SDCCAG8: variants seen among roughly 807,000 people sequenced by gnomAD.
SDCCAG8 encodes SHH signaling and ciliogenesis regulator SDCCAG8.
SDCCAG8 carries 74 observed loss-of-function variants against 101.8 expected under a neutral mutation model. The observed-to-expected ratio is 0.73, with a 90% CI of 0.60 to 0.88. The LOEUF is 0.88. Among genes scored for constraint, SDCCAG8 ranks in the 40% least tolerant of loss-of-function variants. SDCCAG8 has a pLI of 0.00. For synonymous variants in SDCCAG8, 281 were observed against 292.9 expected (o/e 0.96, Z 0.41); for missense variants, 787 against 822.6 (o/e 0.96, Z 0.53).
intron 13 of SDCCAG8, among the ~76,000 whole-genome samples, chr1:243,407,150 A>G (rs1268743353): frequency 6.6e-6 from 1 of 152,216 alleles, no homozygotes; most frequent in Non-Finnish European, 1.5e-5. Context: ...CTTGGCACAA[A>G]GTAGTTGCTT....
At chr1:243,313,140 C>G (rs1434966353) in intron 8 of SDCCAG8, among the ~76,000 whole-genome samples, 2 of 152,180 alleles carry the variant, frequency 1.3e-5, no homozygotes, top group Non-Finnish European at 2.9e-5. Flanking sequence ...GATCATTGGC[C>G]TGCTCTGCAT....
intron 13 of SDCCAG8, among the ~76,000 whole-genome samples, chr1:243,404,759 A>G (rs1416439094): frequency 1.3e-5 from 2 of 152,180 alleles, no homozygotes; most frequent in East Asian, 1.9e-4. Flanking sequence ...TTCTGTATAC[A>G]TGCACATTGG....
At chr1:243,410,015 C>CT (rs2080061277) in intron 13 of SDCCAG8, among the ~76,000 whole-genome samples, 1 of 152,158 alleles carries the variant, frequency 6.6e-6, no homozygotes, top group African/African-American at 2.4e-5. Flanking sequence ...AAAGTAATTA[C>CT]TTTTGTGCCA....
intron 9 of SDCCAG8, among the ~76,000 whole-genome samples, chr1:243,326,632 A>G (rs1330252339): frequency 1.3e-5 from 2 of 152,218 alleles, no homozygotes; most frequent in Non-Finnish European, 2.9e-5. Context: ...GATGTTTGAA[A>G]TGTGTTAATC....
At chr1:243,387,136 C>T (rs1327012495) in intron 13 of SDCCAG8, among the ~76,000 whole-genome samples, 1 of 152,216 alleles carries the variant, frequency 6.6e-6, no homozygotes, top group South Asian at 2.1e-4. Flanking sequence ...CATTTATACA[C>T]ACGTGGTTGG....
At chr1:243,444,490 G>A (rs1014956591) in intron 16 of SDCCAG8, among the ~76,000 whole-genome samples, 7 of 151,742 alleles carry the variant, frequency 4.6e-5, no homozygotes, top group Non-Finnish European at 1.0e-4. Context: ...TTCTACCTCA[G>A]CCCCCTGAGT....
At chr1:243,360,096 G>A (rs967416601) in intron 12 of SDCCAG8, among the ~76,000 whole-genome samples, 16 of 149,684 alleles carry the variant, frequency 1.1e-4, no homozygotes, top group South Asian at 4.2e-4. Flanking sequence ...CACTGCTACC[G>A]TCTAGTTCAA....
chr1:243,284,926 A>C (rs1462161932), intron 4 of SDCCAG8, among the ~76,000 whole-genome samples: 2 of 151,458 alleles, frequency 1.3e-5, no homozygotes, highest in Non-Finnish European at 2.9e-5. Flanking sequence ...TCTGTCACCC[A>C]GGCTGGAGTG....
intron 14 of SDCCAG8, 135 bp downstream of exon 14, chr1:243,415,964 C>G: frequency 1.0e-6 from 1 of 994,552 alleles, no homozygotes; most frequent in Non-Finnish European, 1.5e-6. Flanking sequence ...ACCGGAGATT[C>G]CGAATTACAT....
chr1:243,482,654 A>G (rs540059966), intron 16 of SDCCAG8, among the ~76,000 whole-genome samples: 31 of 152,128 alleles, frequency 2.0e-4, no homozygotes, highest in Non-Finnish European at 3.5e-4. Flanking sequence ...GTCCTTCCTC[A>G]TGGACCCGCG....
At chr1:243,310,598 T>G (rs1394988354) in intron 8 of SDCCAG8, among the ~76,000 whole-genome samples, 1 of 152,138 alleles carries the variant, frequency 6.6e-6, no homozygotes, top group African/African-American at 2.4e-5. Flanking sequence ...GTCCTAAGGA[T>G]GACGTGAAAA....
chr1:243,288,730 C>T (rs1422137866), intron 5 of SDCCAG8, among the ~76,000 whole-genome samples: 1 of 152,000 alleles, frequency 6.6e-6, no homozygotes, highest in Admixed American at 6.6e-5. Flanking sequence ...TTGAGGTGGC[C>T]AGGCGCAGTG....
chr1:243,306,834 T>G (rs1462942048), intron 7 of SDCCAG8, among the ~76,000 whole-genome samples: 1 of 152,034 alleles, frequency 6.6e-6, no homozygotes, highest in Non-Finnish European at 1.5e-5. Context: ...ACCCTTAGAT[T>G]GCCTGTGGGT....
chr1:243,311,383 G>A (rs1042786507), intron 8 of SDCCAG8, among the ~76,000 whole-genome samples: 15 of 151,680 alleles, frequency 9.9e-5, no homozygotes, highest in African/African-American at 3.6e-4. Flanking sequence ...TTTCCCCTTC[G>A]AGGTTCATAG....
rs575694913 is a variant in SDCCAG8 at position 243,411,523 on chromosome 1, A to T, written c.1617-4179A>T. Among the ~76,000 whole-genome samples, 15 of 152,298 alleles carry T rather than the reference A, an allele frequency of 9.8e-5. No individual in the cohort carries two copies. The East Asian group carries it at 2.9e-3, about 29-fold the overall frequency. On this transcript the variant is annotated intron_variant, in intron 13 of 17. Coordinates refer to ENST00000366541, the MANE Select transcript of SDCCAG8 (RefSeq NM_006642.5). ...GACAAATATATAGAATTGTGGAAAG[A>T]TCATAGTCATAACATAGAAGAACAT... is the stretch of plus-strand genomic sequence containing the variant.
chr1:243,349,701 G>A (rs2075973767), intron 12 of SDCCAG8, among the ~76,000 whole-genome samples: 1 of 152,116 alleles, frequency 6.6e-6, no homozygotes, highest in African/African-American at 2.4e-5. Flanking sequence ...TTTCTTATTA[G>A]TGGCACATGA....
chr1:243,489,020 G>A lies in SDCCAG8; in HGVS notation c.1992G>A (p.Arg664=). The A allele has an allele frequency of 1.2e-6, 2 of 1,613,398 alleles. No individual in the cohort carries two copies. The highest frequency in any genetic ancestry group is 1.7e-6 in the Non-Finnish European group (2 of 1,180,028). ...RVHETMKQRL[R]QLDKHSQATA... is the part of the protein sequence containing the mutation. ...GCGGTGGATTTTTCTCCAGGCTAAG[G>A]CAGCTGGATAAGCACAGCCAGGCCA... Residue 664 remains arginine (R), a synonymous_variant, in exon 17 of 18, where the codon AGG becomes AGA. Coordinates refer to ENST00000366541, the MANE Select transcript of SDCCAG8 (RefSeq NM_006642.5).
In SDCCAG8 at chr1:243,386,768, T is replaced by TGAGAGA. The variant is rs112662776; in HGVS notation, c.1616+7922_1616+7927dup. Among the ~76,000 whole-genome samples the TGAGAGA allele has an allele frequency of 6.4e-4, 92 of 143,476 alleles. No individual in the cohort carries two copies. The Middle Eastern group carries it at 0.011, about 16-fold the overall frequency. The allele number at this position is 143,476 out of a possible 152,430, so 94.1% of individuals were successfully genotyped here. A position where few individuals can be genotyped will look rare whatever the true frequency, so the allele number is the denominator to read the frequency against. ...ACTCCATCTCAAAAAAGAAAGAAAG[T>TGAGAGA]GAGAGAGAGAGAGAGAGAGAGAAAG... On this transcript the variant is annotated intron_variant, in intron 13 of 17. Coordinates refer to ENST00000366541, the MANE Select transcript of SDCCAG8 (RefSeq NM_006642.5).
At chr1:243,305,568 T>C (rs1171182040) in intron 7 of SDCCAG8, 1 of 152,100 alleles carries the variant, frequency 6.6e-6, no homozygotes, top group Non-Finnish European at 1.5e-5. Context: ...GTAAGACCTA[T>C]ATATTATAGA....
Sources: allele counts gnomAD v4.1 joint callset (sites outside exome capture counted in the v4.1 genomes callset), GRCh38; gene constraint gnomAD v4.1.1; transcripts MANE v1.5; gene names NCBI Gene and HGNC (gene_info 2026-07-23, HGNC 2026-07-21).